The following ZNHIT6 variants were observed in gnomAD, a reference collection of about 807,000 sequenced individuals.
ZNHIT6 encodes the protein zinc finger HIT-type containing 6.
Under a neutral mutation model 57.2 loss-of-function variants are expected in ZNHIT6, and 45 were observed. That is an observed-to-expected ratio of 0.79 (90% CI 0.62 to 1.01). The LOEUF (loss-of-function observed/expected upper bound fraction) is 1.01. Among genes scored for constraint, ZNHIT6 ranks in the 50% least tolerant of loss-of-function variants. ZNHIT6 has a pLI of 0.00. For synonymous variants in ZNHIT6, 188 were observed against 190.0 expected (o/e 0.99, Z 0.09); for missense variants, 528 against 567.3 (o/e 0.93, Z 0.70).
At chr1:85,654,224 G>T in intron 9 of ZNHIT6, 126 bp from the exon 10 acceptor site, 2 of 663,090 alleles carry the variant, frequency 3.0e-6, no homozygotes, top group Non-Finnish European at 5.0e-6. Flanking sequence ...CACAAACCGC[G>T]TCATGTCCCA....
Position 85,652,531 on chromosome 1 carries a change from C to T in ZNHIT6, c.*1527G>A, listed in dbSNP as rs1376034354. The T allele has an allele frequency of 1.3e-5, 2 of 152,196 alleles. No homozygotes were observed. The highest frequency in any genetic ancestry group is 4.8e-5 in the African/African-American group (2 of 41,464). The allele number at this position is 152,196 out of a possible 1,614,324, so 9.4% of individuals were successfully genotyped here. A position where few individuals can be genotyped will look rare whatever the true frequency, so the allele number is the denominator to read the frequency against. The stretch of plus-strand genomic sequence containing the variant: ...CTTTCTATGAACTTTCTATGAATCA[C>T]ATTCCATTAGTACTTTCATACCAAG... On this transcript the variant is annotated 3_prime_UTR_variant, in exon 10 of 10. Coordinates refer to ENST00000370574, the MANE Select transcript of ZNHIT6 (RefSeq NM_017953.4).
At chr1:85,670,591 C>G (rs1236721651) in intron 8 of ZNHIT6, among the ~76,000 whole-genome samples, 1 of 152,160 alleles carries the variant, frequency 6.6e-6, no homozygotes, top group African/African-American at 2.4e-5. Flanking sequence ...GAGAGTTAAT[C>G]ATCATGTGAT....
chr1:85,702,802 A>T (rs924879286), intron 4 of ZNHIT6, among the ~76,000 whole-genome samples: 15 of 152,232 alleles, frequency 9.9e-5, no homozygotes, highest in Admixed American at 7.9e-4. Context: ...ATATGAGAAC[A>T]TTCTGGCTCT....
intron 5 of ZNHIT6, among the ~76,000 whole-genome samples, chr1:85,695,378 G>T (rs1188259549): frequency 6.6e-6 from 1 of 151,964 alleles, no homozygotes; most frequent in East Asian, 1.9e-4. Context: ...ATCCTAAAAA[G>T]GTCTGAAAAA....
In ZNHIT6 at chr1:85,667,947, C is replaced by CAAAAAAAAAAAAA. The variant is rs1156795211; in HGVS notation, c.1247+9276_1247+9288dup. Among the ~76,000 whole-genome samples, 80 of 9,260 alleles carry CAAAAAAAAAAAAA rather than the reference C, an allele frequency of 8.6e-3. 26 individuals carry two copies. The highest frequency in any genetic ancestry group is 0.013 in the Non-Finnish European group (59 of 4,548). The allele number at this position is 9,260 out of a possible 152,430, so 6.1% of individuals were successfully genotyped here. On this transcript the variant is annotated intron_variant, in intron 8 of 9. Coordinates refer to ENST00000370574, the MANE Select transcript of ZNHIT6 (RefSeq NM_017953.4). ...AGACTCATTCACTCACTCTCTCTTT[C>CAAAAAAAAAAAAA]AAAAAAAAAAAAAAATATATATATA...
chr1:85,673,574 G>C (rs1407430786), intron 8 of ZNHIT6, among the ~76,000 whole-genome samples: 1 of 152,168 alleles, frequency 6.6e-6, no homozygotes, highest in African/African-American at 2.4e-5. Context: ...TGAAGTTACT[G>C]TAATGCTGTA....
chr1:85,707,495 C>A, intron 1 of ZNHIT6, 134 bp downstream of exon 1: 3 of 964,182 alleles, frequency 3.1e-6, no homozygotes, highest in Non-Finnish European at 4.5e-6. Context: ...CCCGCGAACG[C>A]CGTCTGACTC....
intron 5 of ZNHIT6, among the ~76,000 whole-genome samples, chr1:85,686,025 G>A (rs540312333): frequency 4.0e-5 from 6 of 150,852 alleles, no homozygotes; most frequent in East Asian, 3.9e-4. Context: ...GCAGTGGTGC[G>A]ATCTCAGCTC....
intron 8 of ZNHIT6, among the ~76,000 whole-genome samples, chr1:85,662,418 A>G (rs1661251698): frequency 6.6e-6 from 1 of 152,086 alleles, no homozygotes; most frequent in Non-Finnish European, 1.5e-5. Flanking sequence ...AATTTCTACA[A>G]TTTTTGATAC....
chr1:85,662,022 G>A (rs1289258587), intron 8 of ZNHIT6, among the ~76,000 whole-genome samples: 3 of 152,062 alleles, frequency 2.0e-5, no homozygotes, highest in Non-Finnish European at 2.9e-5. Context: ...GTGTTACAGT[G>A]ACATATATAA....
rs371192859 is a variant in ZNHIT6 at position 85,687,281 on chromosome 1, C to CAAAAAAAAAAAAAAAAAAAAAA, written c.1020-6378_1020-6377insTTTTTTTTTTTTTTTTTTTTTT. Among the ~76,000 whole-genome samples the CAAAAAAAAAAAAAAAAAAAAAA allele has an allele frequency of 1.2e-3, 39 of 33,592 alleles. 16 individuals are homozygous for CAAAAAAAAAAAAAAAAAAAAAA. Among genetic ancestry groups the CAAAAAAAAAAAAAAAAAAAAAA allele is most frequent in the Non-Finnish European group, 1.4e-3 (25 of 17,650 alleles). The allele number at this position is 33,592 out of a possible 152,430, so 22.0% of individuals were successfully genotyped here. On this transcript the variant is annotated intron_variant, in intron 5 of 9. Transcript: ENST00000370574. ...GGTGACAAGAGTGAGAAGACTATCT[C>CAAAAAAAAAAAAAAAAAAAAAA]AAAAAACAAAAAAAAAACAAAAAAA...
rs371192859 is a variant in ZNHIT6 at position 85,687,281 on chromosome 1, C to CAA, written c.1020-6379_1020-6378dup. Among the ~76,000 whole-genome samples the CAA allele has an allele frequency of 9.4e-3, 316 of 33,552 alleles. 64 individuals carry two copies. The highest frequency in any genetic ancestry group is 0.017 in the African/African-American group (176 of 10,142). 22.0% of individuals were successfully genotyped at this position (33,552 alleles called of 152,430 possible). On this transcript the variant is annotated intron_variant, in intron 5 of 9. Transcript: ENST00000370574. ...GGTGACAAGAGTGAGAAGACTATCT[C>CAA]AAAAAACAAAAAAAAAACAAAAAAA... is the stretch of plus-strand genomic sequence containing the variant.
chr1:85,667,601 T>C (rs1263739872), intron 8 of ZNHIT6, among the ~76,000 whole-genome samples: 1 of 145,558 alleles, frequency 6.9e-6, no homozygotes, highest in Non-Finnish European at 1.5e-5. Context: ...GTAAATATCA[T>C]GGTAATTTAA....
chr1:85,683,518 G>A (rs1411568729), intron 5 of ZNHIT6, among the ~76,000 whole-genome samples: 5 of 147,490 alleles, frequency 3.4e-5, no homozygotes, highest in African/African-American at 7.5e-5. Flanking sequence ...GCAAGATTCC[G>A]TCACAGAAAA....
chr1:85,658,541 A>G (rs1034771025), intron 8 of ZNHIT6, among the ~76,000 whole-genome samples: 1 of 151,906 alleles, frequency 6.6e-6, no homozygotes, highest in Non-Finnish European at 1.5e-5. Context: ...ACAAGTTATC[A>G]ATTTTCATAC....
At chr1:85,696,380 C>CATGT (rs752734747) in intron 5 of ZNHIT6, among the ~76,000 whole-genome samples, 11 of 151,946 alleles carry the variant, frequency 7.2e-5, no homozygotes, top group Non-Finnish European at 1.5e-4. Flanking sequence ...TTTCACTGAA[C>CATGT]ATGTCATGGA....
At chr1:85,680,594 C>T (rs985942522) in intron 6 of ZNHIT6, among the ~76,000 whole-genome samples, 3 of 152,094 alleles carry the variant, frequency 2.0e-5, no homozygotes, top group Non-Finnish European at 2.9e-5. Flanking sequence ...GCTTTTTTCC[C>T]CCATATTTAC....
intron 8 of ZNHIT6, among the ~76,000 whole-genome samples, chr1:85,662,001 G>A (rs1349705409): frequency 6.6e-5 from 10 of 152,054 alleles, no homozygotes; most frequent in Non-Finnish European, 1.5e-4. Flanking sequence ...ACGGCTCAGT[G>A]GGCCAAACAG....
Position 85,652,187 on chromosome 1 carries a change from C to CA in ZNHIT6, c.*1870dup, listed in dbSNP as rs1240213182. 1 of 152,152 alleles carries CA rather than the reference C, an allele frequency of 6.6e-6. No homozygotes were observed. Among genetic ancestry groups the CA allele is most frequent in the African/African-American group, 2.4e-5 (1 of 41,438 alleles). 9.4% of individuals were successfully genotyped at this position (152,152 alleles called of 1,614,324 possible). ...TCTTGGAAATGAGACTACATCATAA[C>CA]AGATTTCACTGTCAAAAAATTCCTA... On this transcript the variant is annotated 3_prime_UTR_variant, in exon 10 of 10. Coordinates refer to ENST00000370574, the MANE Select transcript of ZNHIT6 (RefSeq NM_017953.4).
Sources: allele counts gnomAD v4.1 joint callset (sites outside exome capture counted in the v4.1 genomes callset), GRCh38; gene constraint gnomAD v4.1.1; transcripts MANE v1.5; gene names NCBI Gene and HGNC (gene_info 2026-07-23, HGNC 2026-07-21).